The following RALGDS variants were observed in gnomAD, a reference collection of about 807,000 sequenced individuals.
The protein encoded by RALGDS is ral guanine nucleotide exchange factor.
RALGDS carries 44 observed loss-of-function variants against 99.8 expected under a neutral mutation model. That is an observed-to-expected ratio of 0.44 (90% CI 0.35 to 0.57). The LOEUF (loss-of-function observed/expected upper bound fraction) is 0.57, where lower values mean the gene tolerates loss of function less well. Ranked by LOEUF, RALGDS falls within the 20% of genes least tolerant of loss-of-function variation. The pLI is 0.01. For missense variants in RALGDS, 1,022 were observed against 1,203.1 expected, an observed-to-expected ratio of 0.85 and a Z score of 2.23; for synonymous variants, 529 against 505.0, an observed-to-expected ratio of 1.05 and a Z score of -0.64.
chr9:133,108,492 C>T (rs571838664), intron 5 of RALGDS, 86 bp from the exon 6 acceptor site: 1 of 1,455,000 alleles, frequency 6.9e-7, no homozygotes, highest in East Asian at 2.5e-5. Flanking sequence ...CCAGAGAAGC[C>T]TCTCTCCCCG....
chr9:133,123,147 G>A (rs1479595088), upstream of RALGDS, among the ~76,000 whole-genome samples: 1 of 152,114 alleles, frequency 6.6e-6, no homozygotes, highest in African/African-American at 2.4e-5. Context: ...GGTCCCCACA[G>A]GGCCACAAAG....
At chr9:133,107,062 C>A (rs748740605) in intron 7 of RALGDS, 23 bp downstream of exon 7, 1 of 1,611,962 alleles carries the variant, frequency 6.2e-7, no homozygotes, top group South Asian at 1.1e-5. Flanking sequence ...AAAGTGGGGG[C>A]CCAGGCCCCT....
At chr9:133,129,386 C>G in intron 1 of RALGDS, 1 of 1,468,144 alleles carries the variant, frequency 6.8e-7, no homozygotes, top group Non-Finnish European at 9.0e-7. Flanking sequence ...TCGTCGCCTG[C>G]GTGCCCTAGT....
Position 133,098,488 on chromosome 9 carries a change from C to A in RALGDS, c.*99G>T. 1.6e-6 allele frequency: 2 copies of A among 1,275,872 alleles called. No homozygotes were observed. The highest frequency in any genetic ancestry group is 2.2e-6 in the Non-Finnish European group (2 of 892,670). The allele number at this position is 1,275,872 out of a possible 1,614,324, so 79.0% of individuals were successfully genotyped here. ...CAGGATGAAACTGGAGTCTGGGGTA[C>A]CCTGGGCTGGCAGGTGGGAGGAAGG... is the stretch of plus-strand genomic sequence containing the variant. On this transcript the variant is annotated 3_prime_UTR_variant, in exon 18 of 18. Coordinates refer to ENST00000372050, the MANE Select transcript of RALGDS (RefSeq NM_006266.4).
At chr9:133,146,758 T>A (rs1485938613) in intron 1 of RALGDS, among the ~76,000 whole-genome samples, 1 of 152,244 alleles carries the variant, frequency 6.6e-6, no homozygotes, top group African/African-American at 2.4e-5. Context: ...CCCCTCACTC[T>A]GGGGAAGTGA....
intron 17 of RALGDS, 111 bp downstream of exon 17, chr9:133,100,157 T>G: frequency 1.0e-6 from 1 of 1,000,754 alleles, no homozygotes; most frequent in Non-Finnish European, 1.6e-6. Flanking sequence ...GTCCACAGTG[T>G]CTACCCACAC....
upstream of RALGDS, among the ~76,000 whole-genome samples, chr9:133,122,736 T>C (rs1831993483): frequency 6.6e-6 from 1 of 152,226 alleles, no homozygotes. Context: ...TGAGACAGTC[T>C]CACTGTCACC....
chr9:133,149,038 C>T, exon 1 of RALGDS: 3 of 1,472,166 alleles, frequency 2.0e-6, no homozygotes, highest in South Asian at 2.6e-5. Context: ...TCGCAGAGGC[C>T]GCTCGCCTGG....
rs7024482 is a variant in RALGDS, at chr9:133,144,861, C to T, written c.18+4102G>A. 9.5e-3 allele frequency among the ~76,000 whole-genome samples: 1,454 copies of T among 152,310 alleles called. 26 individuals are homozygous for T. Among genetic ancestry groups the T allele is most frequent in the African/African-American group, 0.034 (1,406 of 41,556 alleles). On this transcript the variant is annotated intron_variant, in intron 1 of 17. Transcript: ENST00000393160. This position sits in a 1 kb window ranked among gnomAD's most constrained non-coding sequence, Gnocchi z 4.5. ...ATCTTATTTGGAAATAGGGTCTGTGCGGATAGAATCCGGATGAGGTCATAC... is the reference window on the plus strand; with the variant it reads ...ATCTTATTTGGAAATAGGGTCTGTGTGGATAGAATCCGGATGAGGTCATAC...
At chr9:133,106,935 C>T (rs537814035) in intron 7 of RALGDS, 150 bp downstream of exon 7, 24 of 955,168 alleles carry the variant, frequency 2.5e-5, no homozygotes, top group East Asian at 1.8e-4. Context: ...GTAAGGAAGA[C>T]GTGAGCATCC....
At position 133,101,553 on chromosome 9, in the gene RALGDS, G is replaced by A. The variant is rs150606269; in HGVS notation, c.2421C>T (p.Asp807=). Residue 807 remains aspartate, a synonymous_variant, in exon 16 of 18, where the codon GAC becomes GAT. Coordinates refer to ENST00000372050, the MANE Select transcript of RALGDS (RefSeq NM_006266.4). ...GDCCIIRVSL[D]VDNGNMYKSI... is the part of the protein sequence containing the mutation. ...TCTTGTACATGTTGCCATTGTCCAC[G>A]TCCAGGCTGACGCGGATGATACAGC... The A allele has an allele frequency of 0.014, 21,962 of 1,612,342 alleles. 169 individuals carry two copies. The highest frequency in any genetic ancestry group is 0.015 in the Non-Finnish European group (17,707 of 1,180,028).
chr9:133,121,801 C>A (rs1831957920), upstream of RALGDS, among the ~76,000 whole-genome samples: 2 of 152,214 alleles, frequency 1.3e-5, no homozygotes, highest in South Asian at 2.1e-4. Context: ...CACTGAGCAC[C>A]TGCACCTGAC....
chr9:133,129,308 T>A, intron 1 of RALGDS: 1 of 1,587,276 alleles, frequency 6.3e-7, no homozygotes, highest in South Asian at 1.1e-5. Flanking sequence ...CTGGCCTGCT[T>A]CCCGGGCCAT....
chr9:133,115,321 G>C (rs886734459), intron 1 of RALGDS, among the ~76,000 whole-genome samples: 1 of 152,216 alleles, frequency 6.6e-6, no homozygotes, highest in Non-Finnish European at 1.5e-5. Context: ...GGCTGAAGCG[G>C]AGTGAGGAGA....
intron 5 of RALGDS, 105 bp downstream of exon 5, chr9:133,108,568 A>C: frequency 6.8e-7 from 1 of 1,475,814 alleles, no homozygotes; most frequent in South Asian, 1.2e-5. Flanking sequence ...TCTGAGGCTC[A>C]TCTGGGCCCC....
intron 1 of RALGDS, among the ~76,000 whole-genome samples, chr9:133,145,128 T>G (rs1256599679): frequency 6.6e-6 from 1 of 152,092 alleles, no homozygotes; most frequent in Non-Finnish European, 1.5e-5. Context: ...GATTTTGGAC[T>G]TCTGGCCTTT....
upstream of RALGDS, among the ~76,000 whole-genome samples, chr9:133,132,916 C>T (rs868089074): frequency 2.6e-5 from 4 of 152,014 alleles, no homozygotes; most frequent in Admixed American, 2.6e-4. Flanking sequence ...GGATTACAGG[C>T]GTGAGCCACC....
At chr9:133,132,554 C>T (rs556198835), upstream of RALGDS, among the ~76,000 whole-genome samples, 71 of 152,094 alleles carry the variant, frequency 4.7e-4, no homozygotes, top group Non-Finnish European at 7.4e-4. Flanking sequence ...GCTCAGTGGC[C>T]GAGAAGGTGT....
chr9:133,109,495 T>A, intron 4 of RALGDS, 131 bp downstream of exon 4: 1 of 840,668 alleles, frequency 1.2e-6, no homozygotes, highest in Non-Finnish European at 2.0e-6. Flanking sequence ...CCCAGCCCTC[T>A]AGCAGGAACC....
Sources: gnomAD v4.1 joint callset for allele counts (sites outside exome capture counted in the v4.1 genomes callset) on GRCh38, gnomAD v4.1.1 for gene constraint, Gnocchi (gnomAD v3.1) non-coding constraint, MANE v1.5 for transcripts, NCBI Gene and HGNC (gene_info 2026-07-23, HGNC 2026-07-21) for gene names.